COQ5: variants seen among roughly 807,000 people sequenced by gnomAD.
The protein encoded by COQ5 is coenzyme Q5, methyltransferase.
Under a neutral mutation model 40.5 loss-of-function variants are expected in COQ5, and 27 were observed. The ratio of observed to expected loss-of-function variants is 0.67; its 90% CI spans 0.49 to 0.92. COQ5 has a LOEUF of 0.92. COQ5 is among the 40% of genes least tolerant of loss of function. The pLI, the probability that COQ5 is intolerant of heterozygous loss-of-function variation, is 0.00. For synonymous variants in COQ5, 141 were observed against 150.0 expected (o/e 0.94, Z 0.44); for missense variants, 409 against 406.4 (o/e 1.01, Z -0.06).
In COQ5 at chr12:120,521,994, T is replaced by C. The variant is rs572273649; in HGVS notation, c.352+220A>G. Among the ~76,000 whole-genome samples, 12 of 150,828 alleles carry C rather than the reference T, an allele frequency of 8.0e-5. No individual in the cohort carries two copies. The South Asian group carries it at 2.1e-3, about 26-fold the overall frequency. ...CCTGGGCGACAGAGTGAGACTCCTA[T>C]CTCAAAAAAAAAAAAGTGACAGGCA... On this transcript the variant is annotated intron_variant, in intron 2 of 6. Transcript: ENST00000288532.
In COQ5 at chr12:120,516,724, C is replaced by G. The variant is rs200535246; in HGVS notation, c.417G>C (p.Gln139His). 3.6e-5 allele frequency: 58 copies of G among 1,614,108 alleles called. No homozygotes were observed. Among genetic ancestry groups the G allele is most frequent in the Non-Finnish European group, 2.5e-6 (3 of 1,180,036 alleles). Residue 139 changes from glutamine (Q) to histidine (H), a missense_variant, in exon 3 of 7, where the codon CAG becomes CAC. Coordinates refer to ENST00000288532, the MANE Select transcript of COQ5 (RefSeq NM_032314.4). ...QSQHQRKQKR[Q>H]LRAQQNLSWE... ...AGGATAAATTTTGTTGGGCCCTTAA[C>G]TGCCTCTTCTGTTTTCTCTGATGCT... is the stretch of plus-strand genomic sequence containing the variant.
In COQ5 at chr12:120,503,530, C is replaced by A. The variant is rs1055448825; in HGVS notation, c.*254G>T. 5.7e-5 allele frequency: 35 copies of A among 610,318 alleles called. No individual in the cohort carries two copies. The Admixed American group carries it at 6.2e-4, about 11-fold the overall frequency. The allele number at this position is 610,318 out of a possible 1,614,324, so 37.8% of individuals were successfully genotyped here. ...GTACCTTAACCACACACCCTACAGC[C>A]AAGAGAAATTAGCAGTTGAGCAAAG... On this transcript the variant is annotated 3_prime_UTR_variant, in exon 7 of 7. Coordinates refer to ENST00000288532, the MANE Select transcript of COQ5 (RefSeq NM_032314.4).
chr12:120,523,443 T>C (rs1869774335), intron 1 of COQ5: 1 of 394,078 alleles, frequency 2.5e-6, no homozygotes, highest in Non-Finnish European at 5.0e-6. Flanking sequence ...GACTTGGCCA[T>C]GTCTGCACTG....
intron 3 of COQ5, among the ~76,000 whole-genome samples, chr12:120,516,338 T>C (rs1869370889): frequency 1.3e-5 from 2 of 152,150 alleles, no homozygotes; most frequent in Admixed American, 6.6e-5. Flanking sequence ...ACTTGGGATC[T>C]AGTGATCCCA....
Position 120,504,035 on chromosome 12 carries a change from C to T in COQ5, c.817G>A (p.Val273Ile). ...SFQVIPVLGE[V>I]IAGDWKSYQY... Reference sequence around the variant, plus strand: ...TAGGACTTCCAGTCTCCAGCGATGACCTCTCCCAGGACAGGGATGACCTGG... The same window carrying T: ...TAGGACTTCCAGTCTCCAGCGATGATCTCTCCCAGGACAGGGATGACCTGG... The change falls in exon 6 of 7, where the codon GTC becomes ATC. Residue 273 changes from valine to isoleucine, a missense_variant. Transcript: ENST00000288532. The T allele has an allele frequency of 1.9e-6, 3 of 1,613,720 alleles. No homozygotes were observed. The highest frequency in any genetic ancestry group is 2.5e-6 in the Non-Finnish European group (3 of 1,179,632).
rs1456297977 is a variant in COQ5 at position 120,504,941 on chromosome 12, A to G, written c.724T>C (p.Phe242Leu). ...ACTTGGCTAAATTCCAGACAGAGAA[A>G]CCGTCCTCCTGGTTTCAGCACCCGA... ...AHRVLKPGGR[F>L]LCLEFSQVNN... The change falls in exon 5 of 7, where the codon TTT becomes CTT. Residue 242 changes from phenylalanine (F) to leucine (L), a missense_variant. Phe to Leu is a conservative substitution (Grantham distance 22). Transcript: ENST00000288532. 1 of 1,614,126 alleles carries G rather than the reference A, an allele frequency of 6.2e-7. No individual in the cohort carries two copies. Among genetic ancestry groups the G allele is most frequent in the Non-Finnish European group, 8.5e-7 (1 of 1,180,022 alleles).
At chr12:120,509,517 C>T (rs1869031576) in intron 4 of COQ5, among the ~76,000 whole-genome samples, 1 of 152,154 alleles carries the variant, frequency 6.6e-6, no homozygotes, top group Admixed American at 6.6e-5. Flanking sequence ...TGCAAATTCA[C>T]AGGGTCAGGC....
chr12:120,522,168 G>C (rs1338342709), intron 2 of COQ5, 46 bp downstream of exon 2: 1 of 1,608,884 alleles, frequency 6.2e-7, no homozygotes, highest in Admixed American at 1.7e-5. Context: ...ACTAATTTCT[G>C]TAAAACATGC....
chr12:120,507,021 A>C (rs1030548102), intron 4 of COQ5, among the ~76,000 whole-genome samples: 4 of 151,872 alleles, frequency 2.6e-5, no homozygotes, highest in African/African-American at 9.7e-5. Flanking sequence ...TTTAGTATAG[A>C]CAGGGTTTCA....
chr12:120,525,679 C>A (rs925164884), intron 1 of COQ5, among the ~76,000 whole-genome samples: 1 of 151,964 alleles, frequency 6.6e-6, no homozygotes, highest in Admixed American at 6.6e-5. Flanking sequence ...AATCCCAGAA[C>A]TTTGGGAGGC....
chr12:120,523,738 G>T, intron 1 of COQ5: 1 of 219,568 alleles, frequency 4.6e-6, no homozygotes. Context: ...TACAGGGCAC[G>T]GTGGCTCTTG....
At chr12:120,507,715 C>T (rs200138933) in intron 4 of COQ5, among the ~76,000 whole-genome samples, 2 of 149,802 alleles carry the variant, frequency 1.3e-5, no homozygotes, top group South Asian at 4.2e-4. Flanking sequence ...TGGAGAAACT[C>T]CGTCTCTACT....
Position 120,529,113 on chromosome 12 carries a change from C to CTAT in COQ5, c.28_29insATA (p.Trp10delinsTyrArg). 6.2e-7 allele frequency: 1 copy of CTAT among 1,614,038 alleles called. No homozygotes were observed. Among genetic ancestry groups the CTAT allele is most frequent in the Non-Finnish European group, 8.5e-7 (1 of 1,179,970 alleles). On this transcript the variant is annotated protein_altering_variant, in exon 1 of 7. Transcript: ENST00000288532. ...CGACCACCCACGGCCGCAATAGCTC[C>CTAT]ATAGAGCACAGCTCCCGGGGGCCGC... is the stretch of plus-strand genomic sequence containing the variant.
intron 2 of COQ5, 29 bp from the exon 3 acceptor site, chr12:120,516,817 C>A: frequency 1.3e-6 from 2 of 1,571,398 alleles, no homozygotes; most frequent in Non-Finnish European, 1.8e-6. Flanking sequence ...AGGAAAGATG[C>A]AGACTAAAAC....
At chr12:120,521,600 C>T (rs1004636887) in intron 2 of COQ5, among the ~76,000 whole-genome samples, 3 of 147,494 alleles carry the variant, frequency 2.0e-5, no homozygotes, top group African/African-American at 5.0e-5. Context: ...GCTTGAACCC[C>T]GGAGGTGGAG....
At chr12:120,521,451 G>A (rs1869647663) in intron 2 of COQ5, among the ~76,000 whole-genome samples, 1 of 151,868 alleles carries the variant, frequency 6.6e-6, no homozygotes, top group Admixed American at 6.6e-5. Context: ...GCCGAGGCGG[G>A]TGTATCATGA....
At chr12:120,523,405 G>T in intron 1 of COQ5, 1 of 392,214 alleles carries the variant, frequency 2.5e-6, no homozygotes. Flanking sequence ...TGCCATTTCG[G>T]GACTGGCTGT....
At chr12:120,524,329 C>G (rs188075155) in intron 1 of COQ5, among the ~76,000 whole-genome samples, 1 of 151,288 alleles carries the variant, frequency 6.6e-6, no homozygotes, top group Admixed American at 6.6e-5. Flanking sequence ...GGCGCGATCT[C>G]GGCTCACTGC....
At position 120,528,945 on chromosome 12, in the gene COQ5, C is replaced by T; in HGVS notation, c.197G>A (p.Gly66Asp). ...FETVSEEEKG[G>D]KVYQVFESVA... Reference sequence around the variant, plus strand: ...CGCCCTCTCGCCCCTTTCACCTTTGCCCCCCTTCTCCTCTTCCGACACAGT... The same window carrying T: ...CGCCCTCTCGCCCCTTTCACCTTTGTCCCCCTTCTCCTCTTCCGACACAGT... Residue 66 changes from glycine to aspartate, a missense_variant, in exon 1 of 7, where the codon GGC becomes GAC. Gly to Asp is a moderately conservative substitution (Grantham distance 94). Coordinates refer to ENST00000288532, the MANE Select transcript of COQ5 (RefSeq NM_032314.4). The T allele has an allele frequency of 6.2e-7, 1 of 1,614,026 alleles. No homozygotes were observed. Among genetic ancestry groups the T allele is most frequent in the Non-Finnish European group, 8.5e-7 (1 of 1,179,914 alleles).
Sources: gnomAD v4.1 joint callset for allele counts (sites outside exome capture counted in the v4.1 genomes callset) on GRCh38, gnomAD v4.1.1 for gene constraint, MANE v1.5 for transcripts, NCBI Gene and HGNC (gene_info 2026-07-23, HGNC 2026-07-21) for gene names.